Variants in POU2F3 observed in about 807,000 individuals in gnomAD.
The protein encoded by POU2F3 is POU domain, class 2, transcription factor 3.
In POU2F3, 23 loss-of-function variants were observed where a neutral mutation model predicts 59.2. That is an observed-to-expected ratio of 0.39 (90% CI 0.28 to 0.55). The LOEUF (loss-of-function observed/expected upper bound fraction) is 0.55, where lower values mean the gene tolerates loss of function less well. Among genes scored for constraint, POU2F3 ranks in the 20% least tolerant of loss-of-function variants. POU2F3 has a pLI of 0.66. For synonymous variants in POU2F3, 190 were observed against 214.6 expected (o/e 0.89, Z 1.00); for missense variants, 473 against 544.5 (o/e 0.87, Z 1.31).
chr11:120,299,566 G>A, intron 4 of POU2F3, 58 bp from the exon 5 acceptor site: 2 of 1,499,390 alleles, frequency 1.3e-6, no homozygotes, highest in Non-Finnish European at 1.8e-6. Flanking sequence ...GCAGGCAGAT[G>A]GGGCTGATGT....
chr11:120,293,270 G>A (rs968059387), intron 3 of POU2F3, among the ~76,000 whole-genome samples: 3 of 152,206 alleles, frequency 2.0e-5, no homozygotes, highest in Non-Finnish European at 4.4e-5. Context: ...ATCTGAGGAG[G>A]CAGGAGCCTT....
rs144064421 is a variant in POU2F3 at position 120,317,233 on chromosome 11, G to A, written c.1140G>A (p.Thr380=). 55 of 1,613,944 alleles carry A rather than the reference G, an allele frequency of 3.4e-5. No individual in the cohort carries two copies. In the Admixed American group the frequency reaches 3.7e-4, roughly 11 times the overall value. ...TTTGCCTCTCCTTATCCTCAGTAAC[G>A]TCATCCTGTTCCCCTGGGAACAACA... ...PVHSTMPGTV[T]SSCSPGNNSR... The change falls in exon 12 of 13, where the codon ACG becomes ACA. Residue 380 remains threonine (T), a synonymous_variant. Transcript: ENST00000543440.
upstream of POU2F3, chr11:120,236,687 G>T: frequency 1.3e-6 from 2 of 1,505,900 alleles, no homozygotes; most frequent in Non-Finnish European, 1.8e-6. Context: ...GAGTCTCCAA[G>T]AACTGCTAAA....
At chr11:120,293,801 C>A (rs771897117) in intron 3 of POU2F3, among the ~76,000 whole-genome samples, 110 of 152,156 alleles carry the variant, frequency 7.2e-4, no homozygotes, top group Non-Finnish European at 1.4e-3. Flanking sequence ...GTAAGGAAGT[C>A]TCAGTGTACG....
chr11:120,240,532 T>C (rs1053389306), intron 1 of POU2F3, among the ~76,000 whole-genome samples, 161 bp downstream of exon 1: 10 of 151,548 alleles, frequency 6.6e-5, no homozygotes, highest in African/African-American at 9.7e-5. Context: ...CGGTCAGTAT[T>C]TGGGGACTAA....
chr11:120,268,863 C>T lies in POU2F3; in HGVS notation c.98-347C>T, dbSNP rs1423435938. ...TCCCTTGGTCCCTGGAGGGATGTAG[C>T]AGCTGCCATCTGAGGGGGAAGCCCG... On this transcript the variant is annotated intron_variant, in intron 2 of 12. Transcript: ENST00000543440. Among the ~76,000 whole-genome samples, 7 of 152,254 alleles carry T rather than the reference C, an allele frequency of 4.6e-5. No individual in the cohort carries two copies. The South Asian group carries it at 1.5e-3, about 32-fold the overall frequency.
intron 2 of POU2F3, chr11:120,253,700 G>A (rs1247734235): frequency 1.3e-5 from 2 of 152,306 alleles, no homozygotes; most frequent in Non-Finnish European, 2.9e-5. Flanking sequence ...GGAGAACCAG[G>A]GACAGAGGAC....
chr11:120,313,524 A>G (rs1279275107), intron 10 of POU2F3, among the ~76,000 whole-genome samples: 1 of 152,246 alleles, frequency 6.6e-6, no homozygotes, highest in African/African-American at 2.4e-5. Flanking sequence ...ACTAGGACAT[A>G]GTTTCTTCTG....
At chr11:120,251,290 T>C (rs1429496856) in intron 2 of POU2F3, among the ~76,000 whole-genome samples, 2 of 152,240 alleles carry the variant, frequency 1.3e-5, no homozygotes, top group African/African-American at 4.8e-5. Flanking sequence ...CATCTCTAGA[T>C]GAAGCACATG....
chr11:120,275,685 C>G (rs114535634), intron 3 of POU2F3, among the ~76,000 whole-genome samples: 3,243 of 152,198 alleles, frequency 0.021, 133 homozygotes, highest in African/African-American at 0.073. Context: ...TGTCCTTGTC[C>G]CACGTTTCCT....
At chr11:120,307,692 G>T (rs945909429) in intron 9 of POU2F3, 77 bp downstream of exon 9, 1 of 1,572,006 alleles carries the variant, frequency 6.4e-7, no homozygotes, top group Non-Finnish European at 8.7e-7. Flanking sequence ...CAGGCCCCTT[G>T]GCACCAGCCC....
At chr11:120,314,677 A>C (rs1423613499) in intron 10 of POU2F3, among the ~76,000 whole-genome samples, 1 of 152,166 alleles carries the variant, frequency 6.6e-6, no homozygotes, top group African/African-American at 2.4e-5. Flanking sequence ...TATTCTTTCT[A>C]TTACATCTTG....
At position 120,299,321 on chromosome 11, in the gene POU2F3, A is replaced by G. The variant is rs11217807; in HGVS notation, c.259-303A>G. Among the ~76,000 whole-genome samples, 4,713 of 152,320 alleles carry G rather than the reference A, an allele frequency of 0.031. 1,244 individuals are homozygous for G. The East Asian group carries it at 0.65, about 21-fold the overall frequency. On this transcript the variant is annotated intron_variant, in intron 4 of 12. Transcript: ENST00000543440. ...TGGGTCATACCCAGGCTTTGCCTTC[A>G]GGGCATTTTATAGTCTAGTTGGGAG...
chr11:120,295,281 C>T (rs1348112422), intron 3 of POU2F3, among the ~76,000 whole-genome samples: 1 of 152,222 alleles, frequency 6.6e-6, no homozygotes, highest in Non-Finnish European at 1.5e-5. Context: ...AGCTGCCTCT[C>T]CTTATCTCTC....
In POU2F3 at chr11:120,315,383, G is replaced by A; in HGVS notation, c.1091G>A (p.Gly364Asp). The change falls in exon 11 of 13, where the codon GGC becomes GAC. Residue 364 changes from glycine (G) to aspartate (D), a missense_variant. Gly to Asp is a moderately conservative substitution (Grantham distance 94, BLOSUM62 -1). Transcript: ENST00000543440. ...SRLVSPSGSL[G>D]PLSVPPVHST... ...CAGGTATCTCCCTCAGGGTCTCTGGGCCCCCTCTCTGTCCCTCCTGTCCAC... is the reference window on the plus strand; with the variant it reads ...CAGGTATCTCCCTCAGGGTCTCTGGACCCCCTCTCTGTCCCTCCTGTCCAC... The A allele has an allele frequency of 1.9e-6, 3 of 1,613,722 alleles. No homozygotes were observed. Among genetic ancestry groups the A allele is most frequent in the Non-Finnish European group, 2.5e-6 (3 of 1,179,642 alleles).
chr11:120,286,713 G>A (rs976372629), intron 3 of POU2F3, among the ~76,000 whole-genome samples: 9 of 151,922 alleles, frequency 5.9e-5, no homozygotes, highest in Admixed American at 3.9e-4. Flanking sequence ...CATATAAATT[G>A]TTGTCTCAAC....
At chr11:120,277,634 T>C (rs1339360558) in intron 3 of POU2F3, among the ~76,000 whole-genome samples, 5 of 151,574 alleles carry the variant, frequency 3.3e-5, no homozygotes, top group Non-Finnish European at 7.4e-5. Context: ...AAAAAAAAAT[T>C]AGCCGGGCGC....
At chr11:120,264,369 G>C (rs986914054) in intron 2 of POU2F3, among the ~76,000 whole-genome samples, 1 of 152,236 alleles carries the variant, frequency 6.6e-6, no homozygotes, top group Non-Finnish European at 1.5e-5. Flanking sequence ...GGAAAAGAGG[G>C]TGAGACCCTG....
chr11:120,305,254 G>C, intron 7 of POU2F3, 42 bp downstream of exon 7: 2 of 1,592,972 alleles, frequency 1.3e-6, no homozygotes, highest in Non-Finnish European at 1.7e-6. Context: ...CTAGCCGAGC[G>C]GCTGGAGACT....
Sources: allele counts gnomAD v4.1 joint callset (sites outside exome capture counted in the v4.1 genomes callset), GRCh38; gene constraint gnomAD v4.1.1; transcripts MANE v1.5; gene names NCBI Gene and HGNC (gene_info 2026-07-23, HGNC 2026-07-21).